PDGFD: variants seen among roughly 807,000 people sequenced by gnomAD.
PDGFD encodes the protein platelet derived growth factor D.
In PDGFD, 30 loss-of-function variants were observed where a neutral mutation model predicts 44.7. The observed-to-expected ratio is 0.67, with a 90% CI of 0.50 to 0.91. The LOEUF (loss-of-function observed/expected upper bound fraction) is 0.91. Ranked by LOEUF, PDGFD falls within the 40% of genes least tolerant of loss-of-function variation. PDGFD has a pLI of 0.00. For missense variants in PDGFD, 445 were observed against 457.8 expected (o/e 0.97, Z 0.25); for synonymous variants, 173 against 168.4 (o/e 1.03, Z -0.21).
At chr11:104,048,442 T>C (rs1240335661) in intron 1 of PDGFD, among the ~76,000 whole-genome samples, 3 of 152,152 alleles carry the variant, frequency 2.0e-5, no homozygotes, top group Non-Finnish European at 2.9e-5. Flanking sequence ...ATTAGTGTTG[T>C]GTCTCCTAGT....
chr11:104,027,516 C>T (rs1860060215), intron 1 of PDGFD, among the ~76,000 whole-genome samples: 1 of 152,164 alleles, frequency 6.6e-6, no homozygotes, highest in Non-Finnish European at 1.5e-5. Flanking sequence ...GTCATCATCC[C>T]CATTTTACAT....
chr11:103,999,974 T>G, intron 2 of PDGFD, 77 bp downstream of exon 2: 1 of 1,305,274 alleles, frequency 7.7e-7, no homozygotes, highest in Non-Finnish European at 1.1e-6. Flanking sequence ...AAAGGAATGT[T>G]TGATACGATG....
At position 103,927,004 on chromosome 11, in the gene PDGFD, C is replaced by G. The variant is rs371743652; in HGVS notation, c.895G>C (p.Val299Leu). ...NVVFFPRCLL[V>L]QRCGGNCGCG... ...CCACAATTTCCTCCACAGCGCTGCA[C>G]GAGGAGGCAACGTGGAAAGAAGACC... Residue 299 changes from valine to leucine, a missense_variant, in exon 6 of 7, where the codon GTG (valine) becomes CTG (leucine). Coordinates refer to ENST00000393158, the MANE Select transcript of PDGFD (RefSeq NM_025208.5). 3 of 1,614,048 alleles carry G rather than the reference C, an allele frequency of 1.9e-6. No individual in the cohort carries two copies. Among genetic ancestry groups the G allele is most frequent in the Non-Finnish European group, 2.5e-6 (3 of 1,180,032 alleles).
chr11:104,077,766 T>C (rs1860985633), intron 1 of PDGFD, among the ~76,000 whole-genome samples: 1 of 152,230 alleles, frequency 6.6e-6, no homozygotes. Flanking sequence ...ATTTTAGTGT[T>C]TTGGGTGAGA....
rs17101790 is a variant in PDGFD, at chr11:103,968,597, T to C, written c.511-20873A>G. Among the ~76,000 whole-genome samples the C allele has an allele frequency of 6.9e-3, 1,049 of 152,306 alleles. 15 individuals carry two copies. The highest frequency in any genetic ancestry group is 0.024 in the African/African-American group (997 of 41,572). ...ATAATTTCTTAATCCTTCAAAGCCA[T>C]ATCTTCTAGTCTATGCTTCAATTCA... On this transcript the variant is annotated intron_variant, in intron 3 of 6. Transcript: ENST00000393158.
intron 3 of PDGFD, among the ~76,000 whole-genome samples, chr11:103,952,925 A>G (rs1858780496): frequency 6.6e-6 from 1 of 152,224 alleles, no homozygotes; most frequent in Non-Finnish European, 1.5e-5. Context: ...TGATTCTCAA[A>G]TCTTCACTTT....
intron 1 of PDGFD, among the ~76,000 whole-genome samples, chr11:104,114,220 T>G (rs960281944): frequency 1.3e-5 from 2 of 152,082 alleles, no homozygotes; most frequent in East Asian, 1.9e-4. Context: ...AATTTTAGAA[T>G]TTTGCATTTT....
chr11:103,964,424 A>C (rs898658164), intron 3 of PDGFD, among the ~76,000 whole-genome samples: 1 of 152,152 alleles, frequency 6.6e-6, no homozygotes, highest in Non-Finnish European at 1.5e-5. Context: ...CAGTGTCCAG[A>C]GCCATTTTCC....
intron 1 of PDGFD, among the ~76,000 whole-genome samples, chr11:104,150,673 T>C (rs1285608165): frequency 3.3e-5 from 5 of 152,184 alleles, no homozygotes; most frequent in Non-Finnish European, 7.3e-5. Flanking sequence ...TTCCAGCTCC[T>C]GTTTGCTGCT....
At chr11:103,948,702 T>C (rs1858698907) in intron 3 of PDGFD, among the ~76,000 whole-genome samples, 1 of 152,172 alleles carries the variant, frequency 6.6e-6, no homozygotes, top group Non-Finnish European at 1.5e-5. Flanking sequence ...GTATACCTAC[T>C]GAATGAGAGC....
At chr11:104,003,769 G>C (rs1002193495) in intron 1 of PDGFD, among the ~76,000 whole-genome samples, 5 of 152,174 alleles carry the variant, frequency 3.3e-5, no homozygotes, top group Admixed American at 3.3e-4. Flanking sequence ...AGCTTAGAGA[G>C]GGGAGAGGAG....
At chr11:103,947,019 A>G (rs1167044520) in intron 4 of PDGFD, among the ~76,000 whole-genome samples, 1 of 152,174 alleles carries the variant, frequency 6.6e-6, no homozygotes, top group Non-Finnish European at 1.5e-5. Context: ...ATTATCTTGT[A>G]TTTTATTGCT....
At chr11:104,115,413 C>T (rs747430156) in intron 1 of PDGFD, among the ~76,000 whole-genome samples, 2 of 150,848 alleles carry the variant, frequency 1.3e-5, no homozygotes, top group African/African-American at 2.4e-5. Context: ...TAAGTAATAG[C>T]ATTAATTTAT....
At chr11:104,147,287 A>G (rs1360416777) in intron 1 of PDGFD, among the ~76,000 whole-genome samples, 1 of 152,182 alleles carries the variant, frequency 6.6e-6, no homozygotes, top group African/African-American at 2.4e-5. Context: ...TAGAAGAAAT[A>G]AATTTTGCAG....
Position 104,148,441 on chromosome 11 carries a change from A to T in PDGFD, c.124+15363T>A, listed in dbSNP as rs200830725. Among the ~76,000 whole-genome samples the T allele has an allele frequency of 4.6e-5, 7 of 152,226 alleles. No individual in the cohort carries two copies. The East Asian group carries it at 1.2e-3, about 25-fold the overall frequency. On this transcript the variant is annotated intron_variant, in intron 1 of 6. Transcript: ENST00000393158. ...GCTATCAAAGCTTTGAAATGTGACT[A>T]CTCTGAAATAGGATGTATTGTAAGT... is the stretch of plus-strand genomic sequence containing the variant.
At chr11:103,961,483 A>G in intron 3 of PDGFD, among the ~76,000 whole-genome samples, 1 of 152,100 alleles carries the variant, frequency 6.6e-6, no homozygotes, top group Non-Finnish European at 1.5e-5. Context: ...TTGATAGGGA[A>G]GCAGGCAGGT....
intron 1 of PDGFD, among the ~76,000 whole-genome samples, chr11:104,059,450 T>C (rs1814282891): frequency 6.6e-6 from 1 of 152,218 alleles, no homozygotes; most frequent in Non-Finnish European, 1.5e-5. Context: ...AAGTATCTTT[T>C]TACAAATGTA....
intron 1 of PDGFD, among the ~76,000 whole-genome samples, chr11:104,156,396 A>C (rs146204254): frequency 1.2e-3 from 179 of 152,304 alleles, no homozygotes; most frequent in African/African-American, 3.8e-3. Context: ...TTTAAAAATG[A>C]ATCCTAACAT....
Position 104,139,929 on chromosome 11 carries a change from G to T in PDGFD, c.124+23875C>A, listed in dbSNP as rs1456444108. On this transcript the variant is annotated intron_variant, in intron 1 of 6. Transcript: ENST00000393158. Reference sequence around the variant, plus strand: ...CAAAAAATTAGCCGGGCGCGGTGGCGGGCGCCTGTAGTCCCAGCTACTCGG... The same window carrying T: ...CAAAAAATTAGCCGGGCGCGGTGGCTGGCGCCTGTAGTCCCAGCTACTCGG... 1.3e-4 allele frequency among the ~76,000 whole-genome samples: 10 copies of T among 74,294 alleles called. 3 individuals carry two copies. Among genetic ancestry groups the T allele is most frequent in the Admixed American group, 1.2e-3 (10 of 8,020 alleles). 48.7% of individuals were successfully genotyped at this position (74,294 alleles called of 152,430 possible). A position where few individuals can be genotyped will look rare whatever the true frequency, so the allele number is the denominator to read the frequency against.
Sources: gnomAD v4.1 joint callset for allele counts (sites outside exome capture counted in the v4.1 genomes callset) on GRCh38, gnomAD v4.1.1 for gene constraint, MANE v1.5 for transcripts, NCBI Gene and HGNC (gene_info 2026-07-23, HGNC 2026-07-21) for gene names.